The following RPRD1A variants were observed in gnomAD, a reference collection of about 807,000 sequenced individuals.
RPRD1A encodes the protein regulation of nuclear pre-mRNA domain containing 1A.
A neutral mutation model predicts 37.8 loss-of-function variants in RPRD1A; 9 were observed. The ratio of observed to expected loss-of-function variants is 0.24; its 90% CI spans 0.14 to 0.42. The LOEUF (loss-of-function observed/expected upper bound fraction) is 0.42. RPRD1A is among the 10% of genes least tolerant of loss of function. The probability of loss-of-function intolerance (pLI) is 1.00; values close to 1 mark genes in which losing one functional copy is unlikely to be tolerated. For missense variants in RPRD1A, 255 were observed against 371.0 expected, an observed-to-expected ratio of 0.69 and a Z score of 2.57; for synonymous variants, 138 against 139.7, an observed-to-expected ratio of 0.99 and a Z score of 0.08.
Position 35,991,070 on chromosome 18 carries a change from G to A in RPRD1A, c.*2081C>T, listed in dbSNP as rs1908693629. 1.3e-5 allele frequency: 2 copies of A among 152,066 alleles called. No homozygotes were observed. Among genetic ancestry groups the A allele is most frequent in the Admixed American group, 1.3e-4 (2 of 15,266 alleles). 9.4% of individuals were successfully genotyped at this position (152,066 alleles called of 1,614,324 possible). On this transcript the variant is annotated 3_prime_UTR_variant, in exon 7 of 7. Transcript: ENST00000399022. ...ATTAAAATCAGTATCTAAGTCAGAA[G>A]TCTGTCTGAAATGGTGAAAATATTT...
chr18:36,038,669 C>T lies in RPRD1A; in HGVS notation c.152-4832G>A, dbSNP rs372904468. The stretch of plus-strand genomic sequence containing the variant: ...TCCTCCAGACCTCAGAATGGTAGAT[C>T]CACAGACAACTTGCATTCGTGCCTG... On this transcript the variant is annotated intron_variant, in intron 1 of 6. Coordinates refer to ENST00000399022, the MANE Select transcript of RPRD1A (RefSeq NM_018170.5). Among the ~76,000 whole-genome samples the T allele has an allele frequency of 3.9e-5, 6 of 152,334 alleles. No individual in the cohort carries two copies. The South Asian group carries it at 8.3e-4, about 21-fold the overall frequency.
At position 36,033,788 on chromosome 18, in the gene RPRD1A, T is replaced by C; in HGVS notation, c.201A>G (p.Ile67Met). The C allele has an allele frequency of 6.2e-7, 1 of 1,613,400 alleles. No homozygotes were observed. Among genetic ancestry groups the C allele is most frequent in the Admixed American group, 1.7e-5 (1 of 60,000 alleles). ...LTFLYLANDV[I>M]QNSKRKGPEF... ...CTGGCCCCTTCCTCTTGCTGTTCTG[T>C]ATGACATCATTGGCTAGGTAGAGAA... is the stretch of plus-strand genomic sequence containing the variant. Residue 67 changes from isoleucine (I) to methionine (M), a missense_variant, in exon 2 of 7, where the codon ATA becomes ATG. By Grantham distance (10) the Ile-to-Met change is conservative (BLOSUM62 1). This residue lies in a region of RPRD1A where 44 missense variants were observed against 102.1 expected (regional missense o/e 0.43). Transcript: ENST00000399022.
At chr18:36,035,335 T>C (rs1446603526) in intron 1 of RPRD1A, among the ~76,000 whole-genome samples, 1 of 152,248 alleles carries the variant, frequency 6.6e-6, no homozygotes, top group East Asian at 1.9e-4. Flanking sequence ...ACTGCACTTT[T>C]ACTATGTGCT....
At position 36,058,104 on chromosome 18, in the gene RPRD1A, T is replaced by C. The variant is rs535982325; in HGVS notation, c.151+9150A>G. Among the ~76,000 whole-genome samples the C allele has an allele frequency of 3.3e-5, 5 of 152,304 alleles. No individual in the cohort carries two copies. The East Asian group carries it at 9.6e-4, about 29-fold the overall frequency. On this transcript the variant is annotated intron_variant, in intron 1 of 6. Transcript: ENST00000399022. ...TGTTGCCCAGGCCAGACTGCACTGG[T>C]CAGATCATGGCTCATTGCAACCTCT...
chr18:35,994,609 T>C (rs1340308279), intron 6 of RPRD1A, among the ~76,000 whole-genome samples: 1 of 152,068 alleles, frequency 6.6e-6, no homozygotes, highest in African/African-American at 2.4e-5. Flanking sequence ...GGATACAGAG[T>C]TCATTTTTAA....
At chr18:36,066,911 C>A (rs1490329570) in intron 1 of RPRD1A, among the ~76,000 whole-genome samples, 1 of 152,196 alleles carries the variant, frequency 6.6e-6, no homozygotes. Context: ...CACTCCCCTA[C>A]CTTCTCCCTC....
intron 1 of RPRD1A, among the ~76,000 whole-genome samples, chr18:36,036,971 A>C (rs1312263480): frequency 6.6e-6 from 1 of 152,176 alleles, no homozygotes; most frequent in Non-Finnish European, 1.5e-5. Context: ...CGTCCATTCA[A>C]TTTAAATAGC....
intron 6 of RPRD1A, chr18:36,026,573 A>T: frequency 4.9e-6 from 1 of 204,576 alleles, no homozygotes; most frequent in South Asian, 9.5e-5. Flanking sequence ...TCCTACTACA[A>T]GTGACTGCCA....
intron 1 of RPRD1A, among the ~76,000 whole-genome samples, chr18:36,037,360 T>C (rs1912265014): frequency 6.6e-6 from 1 of 152,142 alleles, no homozygotes; most frequent in Admixed American, 6.5e-5. Context: ...CATAAAGAGC[T>C]TTCCCCCACT....
chr18:35,997,004 GAACT>G lies in RPRD1A; in HGVS notation c.790-3708_790-3705del, dbSNP rs1346101793. ...AAAAAAAAAAAAAAAAAAAAAAAAAGAACTATCTGTAATTTAAGATTACAAATAA... is the reference window on the plus strand; with the variant it reads ...AAAAAAAAAAAAAAAAAAAAAAAAAGATCTGTAATTTAAGATTACAAATAA... On this transcript the variant is annotated intron_variant, in intron 6 of 6. Transcript: ENST00000399022. Among the ~76,000 whole-genome samples the G allele has an allele frequency of 4.5e-3, 374 of 83,396 alleles. 2 individuals are homozygous for G. The highest frequency in any genetic ancestry group is 0.017 in the African/African-American group (350 of 20,052). The allele number at this position is 83,396 out of a possible 152,430, so 54.7% of individuals were successfully genotyped here.
At chr18:36,017,319 C>T (rs1910658335) in intron 6 of RPRD1A, among the ~76,000 whole-genome samples, 1 of 152,144 alleles carries the variant, frequency 6.6e-6, no homozygotes, top group South Asian at 2.1e-4. Flanking sequence ...CACACACACA[C>T]TTCACTGCTA....
At chr18:36,030,056 T>C (rs1021627403) in intron 4 of RPRD1A, among the ~76,000 whole-genome samples, 8 of 151,372 alleles carry the variant, frequency 5.3e-5, no homozygotes, top group Admixed American at 2.6e-4. Flanking sequence ...TCCGACCACC[T>C]TGGCCTCCCA....
intron 1 of RPRD1A, among the ~76,000 whole-genome samples, chr18:36,048,071 T>G (rs1482050209): frequency 1.3e-5 from 2 of 149,380 alleles, no homozygotes; most frequent in Admixed American, 6.7e-5. Context: ...TCCTTTTTTT[T>G]TTTTTTTTTT....
At position 36,008,577 on chromosome 18, in the gene RPRD1A, G is replaced by GTGTGTGTGTGTGTATATATATATATA; in HGVS notation, c.790-15278_790-15277insTATATATATATATACACACACACACA. ...GGCGACACAGCAAGACCTTGTGTGTGTATATATATATATCTTTAAAAATCT... is the reference window on the plus strand; with the variant it reads ...GGCGACACAGCAAGACCTTGTGTGTGTGTGTGTGTGTGTATATATATATATATATATATATATATCTTTAAAAATCT... On this transcript the variant is annotated intron_variant, in intron 6 of 6. Coordinates refer to ENST00000399022, the MANE Select transcript of RPRD1A (RefSeq NM_018170.5). Among the ~76,000 whole-genome samples the GTGTGTGTGTGTGTATATATATATATA allele has an allele frequency of 6.1e-4, 29 of 47,800 alleles. 1 individual carries two copies. The highest frequency in any genetic ancestry group is 2.0e-3 in the African/African-American group (29 of 14,820). The allele number at this position is 47,800 out of a possible 152,430, so 31.4% of individuals were successfully genotyped here.
At chr18:36,033,206 G>A (rs1911926045) in intron 2 of RPRD1A, among the ~76,000 whole-genome samples, 1 of 144,046 alleles carries the variant, frequency 6.9e-6, no homozygotes, top group East Asian at 2.1e-4. Flanking sequence ...CGAGGCTGAA[G>A]TAGGAGAATC....
At chr18:36,022,970 A>G (rs1191842813) in intron 6 of RPRD1A, among the ~76,000 whole-genome samples, 1 of 152,156 alleles carries the variant, frequency 6.6e-6, no homozygotes, top group Non-Finnish European at 1.5e-5. Flanking sequence ...CAAAATAACA[A>G]TAATAAAAAA....
At chr18:36,061,208 T>C (rs187257295) in intron 1 of RPRD1A, among the ~76,000 whole-genome samples, 4 of 152,304 alleles carry the variant, frequency 2.6e-5, no homozygotes, top group Admixed American at 2.0e-4. Flanking sequence ...ACACGAAATT[T>C]ATATTTAAAA....
chr18:36,039,047 G>A (rs1372136261), intron 1 of RPRD1A, among the ~76,000 whole-genome samples: 1 of 152,218 alleles, frequency 6.6e-6, no homozygotes, highest in Non-Finnish European at 1.5e-5. Flanking sequence ...ATGCTAGAAT[G>A]AGTTAAGACT....
chr18:35,993,129 G>T lies in RPRD1A; in HGVS notation c.*22C>A. Reference sequence around the variant, plus strand: ...GTCTCCATCTCTTGCAAAGTCCTGGGACCTGGAAAGAGGCTGGTCCATCAA... The same window carrying T: ...GTCTCCATCTCTTGCAAAGTCCTGGTACCTGGAAAGAGGCTGGTCCATCAA... On this transcript the variant is annotated 3_prime_UTR_variant, in exon 7 of 7. Coordinates refer to ENST00000399022, the MANE Select transcript of RPRD1A (RefSeq NM_018170.5). The T allele has an allele frequency of 6.2e-7, 1 of 1,610,440 alleles. No individual in the cohort carries two copies. Among genetic ancestry groups the T allele is most frequent in the Non-Finnish European group, 8.5e-7 (1 of 1,178,100 alleles).
Sources: gnomAD v4.1 joint callset for allele counts (sites outside exome capture counted in the v4.1 genomes callset) on GRCh38, gnomAD v4.1.1 for gene constraint, gnomAD v4.1.1 regional missense constraint, MANE v1.5 for transcripts, NCBI Gene and HGNC (gene_info 2026-07-23, HGNC 2026-07-21) for gene names.